Variants in DNM3 observed in about 807,000 individuals in gnomAD.
DNM3 encodes the protein dynamin 3, also known as dynamin-3.
Under a neutral mutation model 101.6 loss-of-function variants are expected in DNM3, and 47 were observed. That is an observed-to-expected ratio of 0.46 (90% CI 0.37 to 0.59). The LOEUF is 0.59. Among genes scored for constraint, DNM3 ranks in the 20% least tolerant of loss-of-function variants. DNM3 has a pLI of 0.00. For missense variants in DNM3, 849 were observed against 1,085.7 expected, an observed-to-expected ratio of 0.78 and a Z score of 3.06; for synonymous variants, 385 against 387.9, an observed-to-expected ratio of 0.99 and a Z score of 0.09.
At chr1:172,150,088 T>C (rs2148223080) in intron 14 of DNM3, among the ~76,000 whole-genome samples, 1 of 152,288 alleles carries the variant, frequency 6.6e-6, no homozygotes, top group East Asian at 1.9e-4. Flanking sequence ...CATGAATTTC[T>C]AAAAGGGTTT....
intron 2 of DNM3, among the ~76,000 whole-genome samples, chr1:171,954,465 T>G (rs2042728395): frequency 1.3e-5 from 2 of 152,228 alleles, no homozygotes; most frequent in Admixed American, 1.3e-4. Flanking sequence ...TTCTTACCCT[T>G]CTTTAATTTC....
chr1:172,015,563 T>C (rs1312770142), intron 4 of DNM3, among the ~76,000 whole-genome samples: 1 of 152,158 alleles, frequency 6.6e-6, no homozygotes, highest in African/African-American at 2.4e-5. Context: ...AATTTCAAAT[T>C]CTGCTTGTTT....
intron 14 of DNM3, among the ~76,000 whole-genome samples, chr1:172,241,585 G>A (rs551411589): frequency 6.6e-6 from 1 of 152,110 alleles, no homozygotes; most frequent in South Asian, 2.1e-4. Flanking sequence ...AGAATCATTG[G>A]GAGGGCAAAC....
Position 172,068,879 on chromosome 1 carries a change from G to C in DNM3, c.1396G>C (p.Glu466Gln). Residue 466 changes from glutamate to glutamine, a missense_variant, in exon 11 of 21, where the codon GAG becomes CAG. This residue lies in a region of DNM3 where 193 missense variants were observed against 238.4 expected (regional missense o/e 0.81). Transcript: ENST00000627582. ...TERIVANHIR[E>Q]REGKTKDQVL... ...AAGGATTGTTGCTAACCACATTCGT[G>C]AGCGAGAAGGGAAGACAAAGGACCA... The C allele has an allele frequency of 6.4e-7, 1 of 1,568,522 alleles. No individual in the cohort carries two copies. The highest frequency in any genetic ancestry group is 8.7e-7 in the Non-Finnish European group (1 of 1,156,010).
At position 172,048,735 on chromosome 1, in the gene DNM3, G is replaced by A; in HGVS notation, c.1320G>A (p.Lys440=). 3.7e-6 allele frequency: 6 copies of A among 1,611,960 alleles called. No homozygotes were observed. The highest frequency in any genetic ancestry group is 5.1e-6 in the Non-Finnish European group (6 of 1,179,138). Residue 440 remains lysine, a synonymous_variant, in exon 10 of 21, where the codon AAG becomes AAA. Coordinates refer to ENST00000627582, the MANE Select transcript of DNM3 (RefSeq NM_015569.5). ...TACAAGAATTAATCAACACTGTGAA[G>A]AAGTGTACCAAAAAAGTAAGTTCGA... is the stretch of plus-strand genomic sequence containing the variant. ...LVIQELINTV[K]KCTKKLANFP... is the part of the protein sequence containing the mutation.
chr1:172,376,090 G>A (rs540751704), intron 17 of DNM3: 23 of 151,938 alleles, frequency 1.5e-4, no homozygotes, highest in African/African-American at 3.6e-4. Context: ...AAATAATTTC[G>A]GAGAAAGTAA....
At chr1:171,871,652 A>G (rs534809332) in intron 1 of DNM3, among the ~76,000 whole-genome samples, 2 of 152,306 alleles carry the variant, frequency 1.3e-5, no homozygotes, top group African/African-American at 2.4e-5. Flanking sequence ...TAGTGACCAT[A>G]TAAGTTACAT....
intron 1 of DNM3, among the ~76,000 whole-genome samples, chr1:171,852,600 T>C (rs889655296): frequency 4.6e-5 from 7 of 152,216 alleles, no homozygotes; most frequent in Non-Finnish European, 1.5e-5. Flanking sequence ...CATGATACTG[T>C]CTCTAAATAT....
rs528572527 is a variant in DNM3 at position 172,318,791 on chromosome 1, T to C, written c.1882-4538T>C. 4.8e-3 allele frequency among the ~76,000 whole-genome samples: 733 copies of C among 152,192 alleles called. 4 individuals are homozygous for C. Among genetic ancestry groups the C allele is most frequent in the African/African-American group, 0.017 (692 of 41,528 alleles). ...TGCTCATGGGTGGGAAGAATCAATA[T>C]CATGAAAATGGCCATACTGCCCAAG... On this transcript the variant is annotated intron_variant, in intron 16 of 20. Transcript: ENST00000627582.
chr1:172,229,729 A>G (rs906405255), intron 14 of DNM3, among the ~76,000 whole-genome samples: 1 of 152,052 alleles, frequency 6.6e-6, no homozygotes, highest in African/African-American at 2.4e-5. Context: ...CATAGATTAT[A>G]CTACAAAACA....
intron 1 of DNM3, chr1:171,864,107 G>A (rs763049716): frequency 1.6e-4 from 25 of 152,036 alleles, no homozygotes; most frequent in African/African-American, 4.3e-4. Context: ...TAATATACTC[G>A]TCAATAAATG....
intron 1 of DNM3, among the ~76,000 whole-genome samples, chr1:171,855,949 C>T (rs536651962): frequency 3.9e-5 from 6 of 152,200 alleles, no homozygotes; most frequent in South Asian, 2.1e-4. Context: ...CCCATTCCTA[C>T]GTCTCAGATG....
chr1:172,289,976 T>A lies in DNM3; in HGVS notation c.1770-18752T>A, dbSNP rs1388856754. The A allele has an allele frequency of 1.1e-4, 97 of 919,214 alleles. 1 individual carries two copies. The highest frequency in any genetic ancestry group is 1.2e-4 in the Non-Finnish European group (95 of 769,948). The allele number at this position is 919,214 out of a possible 1,614,324, so 56.9% of individuals were successfully genotyped here. On this transcript the variant is annotated intron_variant, in intron 15 of 20. Coordinates refer to ENST00000627582, the MANE Select transcript of DNM3 (RefSeq NM_015569.5). ...CAATTTATAGTCCTAATTTATTAAA[T>A]TTATATTATTGACATCATAGGTTTG...
intron 17 of DNM3, among the ~76,000 whole-genome samples, chr1:172,346,493 T>C (rs1238075353): frequency 6.6e-6 from 1 of 152,150 alleles, no homozygotes; most frequent in African/African-American, 2.4e-5. Context: ...ATCTTTATAT[T>C]TTAGTAAGAG....
chr1:172,148,036 A>G (rs2057981797), intron 14 of DNM3, among the ~76,000 whole-genome samples: 1 of 152,090 alleles, frequency 6.6e-6, no homozygotes. Context: ...GAGCTTAAAC[A>G]TTATTTCATC....
At chr1:172,387,394 G>C (rs746987709) in intron 19 of DNM3, 35 bp downstream of exon 19, 1 of 1,554,796 alleles carries the variant, frequency 6.4e-7, no homozygotes, top group Non-Finnish European at 8.8e-7. Flanking sequence ...GCGGTGGCTC[G>C]CTCCTGTAAT....
chr1:171,992,987 T>C (rs1432676508), intron 4 of DNM3, among the ~76,000 whole-genome samples: 1 of 152,090 alleles, frequency 6.6e-6, no homozygotes, highest in Non-Finnish European at 1.5e-5. Context: ...ATTTTGCTCC[T>C]ATATAGCTCC....
At chr1:172,107,370 T>C (rs1176699825) in intron 13 of DNM3, among the ~76,000 whole-genome samples, 3 of 151,254 alleles carry the variant, frequency 2.0e-5, no homozygotes. Context: ...ATGGTGAAAC[T>C]CAATATAGTT....
intron 14 of DNM3, among the ~76,000 whole-genome samples, chr1:172,231,133 G>A (rs1204761925): frequency 6.6e-6 from 1 of 151,640 alleles, no homozygotes. Flanking sequence ...TACCCTACTG[G>A]GGGGTGCCTC....
Sources: gnomAD v4.1 joint callset for allele counts (sites outside exome capture counted in the v4.1 genomes callset) on GRCh38, gnomAD v4.1.1 for gene constraint, gnomAD v4.1.1 regional missense constraint, MANE v1.5 for transcripts, NCBI Gene and HGNC (gene_info 2026-07-23, HGNC 2026-07-21) for gene names.